TRPM3: variants seen among roughly 807,000 people sequenced by gnomAD.
The protein encoded by TRPM3 is transient receptor potential cation channel subfamily M member 3, also known as long transient receptor potential channel 3.
Under a neutral mutation model 181.2 loss-of-function variants are expected in TRPM3, and 77 were observed. The ratio of observed to expected loss-of-function variants is 0.42; its 90% CI spans 0.35 to 0.51. TRPM3 has a LOEUF of 0.51. Ranked by LOEUF, TRPM3 falls within the 20% of genes least tolerant of loss-of-function variation. The probability of loss-of-function intolerance (pLI) is 0.01; values close to 1 mark genes in which losing one functional copy is unlikely to be tolerated. For missense variants in TRPM3, 1,759 were observed against 2,196.7 expected (o/e 0.80, Z 3.98); for synonymous variants, 745 against 796.4 (o/e 0.94, Z 1.09).
At chr9:70,787,936 T>C (rs1040507526) in intron 6 of TRPM3, among the ~76,000 whole-genome samples, 9 of 150,860 alleles carry the variant, frequency 6.0e-5, no homozygotes, top group Admixed American at 2.6e-4. Flanking sequence ...TATCAAGAAA[T>C]AGAATATTAT....
rs73458276 is a variant in TRPM3, at chr9:70,954,439, C to A, written c.178-89928G>T. Among the ~76,000 whole-genome samples the A allele has an allele frequency of 2.4e-3, 363 of 152,270 alleles. 2 individuals carry two copies. The highest frequency in any genetic ancestry group is 8.2e-3 in the African/African-American group (341 of 41,554). On this transcript the variant is annotated intron_variant, in intron 1 of 25. Coordinates refer to ENST00000677713, the MANE Select transcript of TRPM3 (RefSeq NM_001366145.2). ...CTTCCTACTAAAAGAGTCCTCTAAA[C>A]TGCAATCACATCCTGTTTCCTTGTC...
chr9:70,678,798 A>G (rs1001904463), intron 9 of TRPM3, among the ~76,000 whole-genome samples: 4 of 152,252 alleles, frequency 2.6e-5, no homozygotes, highest in African/African-American at 7.2e-5. Flanking sequence ...AATTCAAAAA[A>G]AGTAGGAAGA....
intron 1 of TRPM3, among the ~76,000 whole-genome samples, chr9:71,411,326 G>A (rs1034445732): frequency 6.6e-6 from 1 of 152,250 alleles, no homozygotes; most frequent in Non-Finnish European, 1.5e-5. Context: ...CCTGTTTGCA[G>A]ATGACATGAT....
chr9:71,200,510 GTC>G (rs2078710849), intron 1 of TRPM3, among the ~76,000 whole-genome samples: 1 of 151,880 alleles, frequency 6.6e-6, no homozygotes. Flanking sequence ...GGGAGTCTAA[GTC>G]TCTTCGTAGG....
chr9:71,186,010 C>CTTCCTA (rs2077656434), intron 1 of TRPM3, among the ~76,000 whole-genome samples: 1 of 152,014 alleles, frequency 6.6e-6, no homozygotes, highest in Non-Finnish European at 1.5e-5. Flanking sequence ...TTCTTTGCCT[C>CTTCCTA]TTCCTAGCAT....
chr9:70,807,680 A>C (rs2090999125), intron 6 of TRPM3, among the ~76,000 whole-genome samples: 1 of 152,146 alleles, frequency 6.6e-6, no homozygotes, highest in African/African-American at 2.4e-5. Flanking sequence ...GCTCTATAGG[A>C]TCTCACAATC....
chr9:71,174,117 G>C (rs1039037104), intron 1 of TRPM3, among the ~76,000 whole-genome samples: 4 of 152,138 alleles, frequency 2.6e-5, no homozygotes, highest in Non-Finnish European at 2.9e-5. Context: ...TTAAAATAAA[G>C]TTAGAAATAA....
intron 1 of TRPM3, among the ~76,000 whole-genome samples, chr9:71,276,082 C>A (rs2084190011): frequency 6.6e-6 from 1 of 152,054 alleles, no homozygotes; most frequent in African/African-American, 2.4e-5. Flanking sequence ...ACCTCGTGAT[C>A]CACCTGCCTC....
chr9:71,077,906 C>CTTTTTTT (rs574083427), intron 1 of TRPM3, among the ~76,000 whole-genome samples: 3 of 130,808 alleles, frequency 2.3e-5, no homozygotes, highest in South Asian at 2.5e-4. Context: ...TTGTTTTTGT[C>CTTTTTTT]TTTTTTTTTT....
chr9:71,372,372 G>A (rs1438284275), intron 1 of TRPM3, among the ~76,000 whole-genome samples: 1 of 152,002 alleles, frequency 6.6e-6, no homozygotes, highest in Admixed American at 6.6e-5. Context: ...TGGGCCAAAT[G>A]GTATTTCTAC....
rs531735046 is a variant in TRPM3 at position 70,604,888 on chromosome 9, T to A, written c.2668-1418A>T. 3.3e-5 allele frequency among the ~76,000 whole-genome samples: 5 copies of A among 151,920 alleles called. No individual in the cohort carries two copies. The South Asian group carries it at 6.2e-4, about 19-fold the overall frequency. ...ATCTCAAACTCCTGGGCTCAAGAGA[T>A]CCTCCTATCTATCTTGGCCTCCCAA... On this transcript the variant is annotated intron_variant, in intron 19 of 25. Coordinates refer to ENST00000677713, the MANE Select transcript of TRPM3 (RefSeq NM_001366145.2).
Position 71,395,450 on chromosome 9 carries a change from C to T in TRPM3, c.183+51203G>A, listed in dbSNP as rs181201333. Among the ~76,000 whole-genome samples the T allele has an allele frequency of 4.6e-5, 7 of 152,276 alleles. No individual in the cohort carries two copies. The East Asian group carries it at 1.4e-3, about 29-fold the overall frequency. On this transcript the variant is annotated intron_variant, in intron 1 of 24. Coordinates refer to the TRPM3 transcript ENST00000357533. ...CTACATAGGAAAAGGTCTGATAGTA[C>T]AAAAACTTTAGACATTCTAGGGAGA... is the stretch of plus-strand genomic sequence containing the variant.
intron 1 of TRPM3, among the ~76,000 whole-genome samples, chr9:71,250,370 G>A (rs918215742): frequency 6.6e-6 from 1 of 151,836 alleles, no homozygotes; most frequent in African/African-American, 2.4e-5. Context: ...TTTTATTTAT[G>A]AATTCATTTA....
At chr9:71,159,081 G>A (rs1212308405) in intron 1 of TRPM3, among the ~76,000 whole-genome samples, 1 of 145,228 alleles carries the variant, frequency 6.9e-6, no homozygotes, top group Non-Finnish European at 1.5e-5. Context: ...ATAATGGTGT[G>A]AGCCTATATT....
Position 70,741,804 on chromosome 9 carries a change from G to A in TRPM3, c.1272+19797C>T, listed in dbSNP as rs143327854. Among the ~76,000 whole-genome samples, 190 of 152,178 alleles carry A rather than the reference G, an allele frequency of 1.2e-3. 1 individual carries two copies. The highest frequency in any genetic ancestry group is 4.3e-3 in the African/African-American group (177 of 41,504). On this transcript the variant is annotated intron_variant, in intron 8 of 25. Transcript: ENST00000677713. The stretch of plus-strand genomic sequence containing the variant: ...TGCAAAAACGTAAGAATGATACAAC[G>A]GACTTTGGGTACTTGGGGAAAGGGT...
intron 22 of TRPM3, among the ~76,000 whole-genome samples, chr9:70,555,398 T>A (rs1480774934): frequency 6.6e-6 from 1 of 152,188 alleles, no homozygotes; most frequent in Non-Finnish European, 1.5e-5. Context: ...CCACACAAGA[T>A]TCCTGGTGGA....
intron 1 of TRPM3, among the ~76,000 whole-genome samples, chr9:71,267,702 T>C (rs2083485207): frequency 6.6e-6 from 1 of 152,210 alleles, no homozygotes; most frequent in Non-Finnish European, 1.5e-5. Context: ...ATTATACTTT[T>C]ATTTTTTAAA....
intron 1 of TRPM3, among the ~76,000 whole-genome samples, chr9:71,346,706 G>A (rs1177917840): frequency 6.6e-6 from 1 of 152,180 alleles, no homozygotes; most frequent in South Asian, 2.1e-4. Context: ...ATTAAGAGGA[G>A]TGGTATCTTC....
At chr9:70,782,563 G>A (rs758952926) in intron 7 of TRPM3, among the ~76,000 whole-genome samples, 10 of 151,886 alleles carry the variant, frequency 6.6e-5, no homozygotes, top group Non-Finnish European at 1.3e-4. Context: ...TTAAACTCTG[G>A]GTTGGTTGTA....
Sources: gnomAD v4.1 joint callset for allele counts (sites outside exome capture counted in the v4.1 genomes callset) on GRCh38, gnomAD v4.1.1 for gene constraint, MANE v1.5 for transcripts, NCBI Gene and HGNC (gene_info 2026-07-23, HGNC 2026-07-21) for gene names.